The following OR11G2 variants were observed in gnomAD, a reference collection of about 807,000 sequenced individuals.
OR11G2 encodes the protein olfactory receptor 11G2.
In OR11G2, 2 loss-of-function variants were observed where a neutral mutation model predicts 0.9. The ratio of observed to expected loss-of-function variants is 2.35; its 90% CI spans 0.96 to 7.38. The LOEUF (loss-of-function observed/expected upper bound fraction) is 7.38. Ranked by LOEUF, OR11G2 falls within the 30% of genes most tolerant of loss-of-function variation. The pLI is 0.05. For missense variants in OR11G2, 395 were observed against 371.3 expected, an observed-to-expected ratio of 1.06 and a Z score of -0.52; for synonymous variants, 153 against 142.0, an observed-to-expected ratio of 1.08 and a Z score of -0.55.
intron 1 of OR11G2, among the ~76,000 whole-genome samples, chr14:20,195,332 G>A (rs1879730632): frequency 6.6e-6 from 1 of 152,182 alleles, no homozygotes; most frequent in Non-Finnish European, 1.5e-5. Flanking sequence ...TGGAGGTCAG[G>A]AGTTCAAGAC....
chr14:20,191,978 T>C lies in OR11G2; in HGVS notation c.-5+312T>C, dbSNP rs184475584. Among the ~76,000 whole-genome samples the C allele has an allele frequency of 2.2e-4, 33 of 150,986 alleles. No homozygotes were observed. The East Asian group carries it at 5.9e-3, about 27-fold the overall frequency. Reference sequence around the variant, plus strand: ...CACGATCACGGCTCACCACAACCTCTGCCTCCCGGGTTCAGTTGATTCTCC... The same window carrying C: ...CACGATCACGGCTCACCACAACCTCCGCCTCCCGGGTTCAGTTGATTCTCC... On this transcript the variant is annotated intron_variant, in intron 1 of 1. Coordinates refer to ENST00000641879, the MANE Select transcript of OR11G2 (RefSeq NM_001386033.1).
In OR11G2 at chr14:20,198,205, C is replaced by G. The variant is rs376290528; in HGVS notation, c.768C>G (p.Tyr256Ter). 1.9e-6 allele frequency: 3 copies of G among 1,614,096 alleles called. No homozygotes were observed. The highest frequency in any genetic ancestry group is 1.7e-5 in the Admixed American group (1 of 60,016). The part of the protein sequence containing the change: ...GSHLAVVSLF[Y>*]GSVLVMYGSP... ...ACCTGGCTGTGGTTTCACTGTTCTA[C>G]GGCTCAGTACTGGTCATGTATGGGA... Residue 256 changes from tyrosine to a stop codon, truncating the protein, a stop_gained, in exon 2 of 2, where the codon TAC (tyrosine) becomes TAG (stop). Coordinates refer to ENST00000641879, the MANE Select transcript of OR11G2 (RefSeq NM_001386033.1). LOFTEE classifies it high-confidence loss of function.
chr14:20,196,152 C>T (rs1055264919), intron 1 of OR11G2, among the ~76,000 whole-genome samples: 2 of 152,166 alleles, frequency 1.3e-5, no homozygotes, highest in African/African-American at 4.8e-5. Context: ...TTACCTCGTC[C>T]TCCCTGGTAG....
At chr14:20,196,841 A>G (rs78511342) in intron 1 of OR11G2, among the ~76,000 whole-genome samples, 6,869 of 152,298 alleles carry the variant, frequency 0.045, 188 homozygotes, top group Non-Finnish European at 0.049. Flanking sequence ...CCTCTAATTG[A>G]TTTGACTGTG....
rs1879819746 is a variant in OR11G2, at chr14:20,198,261, A to T, written c.824A>T (p.Gln275Leu). 1 of 1,614,150 alleles carries T rather than the reference A, an allele frequency of 6.2e-7. No homozygotes were observed. The highest frequency in any genetic ancestry group is 8.5e-7 in the Non-Finnish European group (1 of 1,179,972). ...SPPSKNEAGK[Q>L]KTVTLFYSVV... Reference sequence around the variant, plus strand: ...CCATCTAAGAATGAAGCTGGAAAGCAGAAGACTGTGACTCTGTTTTATTCT... The same window carrying T: ...CCATCTAAGAATGAAGCTGGAAAGCTGAAGACTGTGACTCTGTTTTATTCT... Residue 275 changes from glutamine (Q) to leucine (L), a missense_variant, in exon 2 of 2, where the codon CAG becomes CTG. Coordinates refer to ENST00000641879, the MANE Select transcript of OR11G2 (RefSeq NM_001386033.1).
chr14:20,197,958 G>T lies in OR11G2; in HGVS notation c.521G>T (p.Gly174Val), dbSNP rs1403290591. 6.2e-7 allele frequency: 1 copy of T among 1,614,072 alleles called. No homozygotes were observed. The highest frequency in any genetic ancestry group is 1.3e-5 in the African/African-American group (1 of 74,990). The change falls in exon 2 of 2, where the codon GGA becomes GTA. Residue 174 changes from glycine to valine, a missense_variant. Coordinates refer to ENST00000641879, the MANE Select transcript of OR11G2 (RefSeq NM_001386033.1). ...AACATCTCCCAAATGTCCTTCTGTG[G>T]ATCTAGGATTATTGACCACTTCCTA... ...IVNISQMSFC[G>V]SRIIDHFLCD...
chr14:20,197,350 C>A, intron 1 of OR11G2, 84 bp from the exon 2 acceptor site: 1 of 1,529,566 alleles, frequency 6.5e-7, no homozygotes, highest in Non-Finnish European at 8.9e-7. Flanking sequence ...ATTTTCTTTC[C>A]CAAAATGATT....
chr14:20,192,382 C>CT (rs1879671520), intron 1 of OR11G2, among the ~76,000 whole-genome samples: 1 of 152,222 alleles, frequency 6.6e-6, no homozygotes, highest in South Asian at 2.1e-4. Context: ...TAAAAGACTA[C>CT]TAGAACCCCT....
In OR11G2 at chr14:20,200,238, T is replaced by C. The variant is rs562025912; in HGVS notation, c.*1865T>C. On this transcript the variant is annotated 3_prime_UTR_variant, in exon 2 of 2. Transcript: ENST00000641879. Reference sequence around the variant, plus strand: ...CTTTGCTTTGAAAAGTAACCCTGAATTTCTCTTTAGGACTTCTCACTTATT... The same window carrying C: ...CTTTGCTTTGAAAAGTAACCCTGAACTTCTCTTTAGGACTTCTCACTTATT... 2 of 151,744 alleles carry C rather than the reference T, an allele frequency of 1.3e-5. No individual in the cohort carries two copies. The highest frequency in any genetic ancestry group is 3.9e-4 in the East Asian group (2 of 5,146). 9.4% of individuals were successfully genotyped at this position (151,744 alleles called of 1,614,324 possible).
chr14:20,193,477 G>A (rs927306033), intron 1 of OR11G2, among the ~76,000 whole-genome samples: 1 of 152,176 alleles, frequency 6.6e-6, no homozygotes, highest in Non-Finnish European at 1.5e-5. Context: ...GATGTTCCTT[G>A]TTCTGTTTTC....
rs1477440653 is a variant in OR11G2 at position 20,200,609 on chromosome 14, C to G, written c.*2236C>G. 1.3e-5 allele frequency: 2 copies of G among 152,194 alleles called. No homozygotes were observed. Among genetic ancestry groups the G allele is most frequent in the Non-Finnish European group, 2.9e-5 (2 of 68,038 alleles). 9.4% of individuals were successfully genotyped at this position (152,194 alleles called of 1,614,324 possible). ...TATAGGGTGACAAGGCAACCTCTAT[C>G]AAAATTTAGAAGACACATATCCTTT... On this transcript the variant is annotated 3_prime_UTR_variant, in exon 2 of 2. Transcript: ENST00000641879.
rs1336258546 is a variant in OR11G2, at chr14:20,193,199, C to T, written c.-5+1533C>T. Among the ~76,000 whole-genome samples the T allele has an allele frequency of 2.0e-5, 3 of 152,270 alleles. No individual in the cohort carries two copies. The East Asian group carries it at 5.8e-4, about 29-fold the overall frequency. On this transcript the variant is annotated intron_variant, in intron 1 of 1. Coordinates refer to ENST00000641879, the MANE Select transcript of OR11G2 (RefSeq NM_001386033.1). ...GTGGTGCAATCTCAGCTCACTGCAA[C>T]CTCTGCCTCCTGGGTTCAGGCAAAT...
rs1244449183 is a variant in OR11G2 at position 20,198,456 on chromosome 14, CG to C, written c.*85del. 1.5e-5 allele frequency: 15 copies of C among 1,017,440 alleles called. No homozygotes were observed. The Admixed American group carries it at 2.8e-4, about 19-fold the overall frequency. The allele number at this position is 1,017,440 out of a possible 1,614,324, so 63.0% of individuals were successfully genotyped here. The stretch of plus-strand genomic sequence containing the variant: ...AAAAAAAACTGGTCTTGGCCAGGCG[CG>C]GTGGCTTACGCCTGTAATCCCAGCA... On this transcript the variant is annotated 3_prime_UTR_variant, in exon 2 of 2. Coordinates refer to ENST00000641879, the MANE Select transcript of OR11G2 (RefSeq NM_001386033.1).
chr14:20,197,993 G>C lies in OR11G2; in HGVS notation c.556G>C (p.Ala186Pro). 1 of 1,602,446 alleles carries C rather than the reference G, an allele frequency of 6.2e-7. No homozygotes were observed. The highest frequency in any genetic ancestry group is 1.1e-5 in the South Asian group (1 of 90,358). ...TATTGACCACTTCCTATGTGACCCAGCTCCTCTTCTAACTCTCACTTGCAA... is the reference window on the plus strand; with the variant it reads ...TATTGACCACTTCCTATGTGACCCACCTCCTCTTCTAACTCTCACTTGCAA... ...RIIDHFLCDP[A>P]PLLTLTCKKG... The change falls in exon 2 of 2, where the codon GCT (alanine) becomes CCT (proline). Residue 186 changes from alanine (A) to proline (P), a missense_variant. Physicochemically the swap from Ala to Pro is conservative, Grantham distance 27. Coordinates refer to ENST00000641879, the MANE Select transcript of OR11G2 (RefSeq NM_001386033.1).
chr14:20,198,113 G>C lies in OR11G2; in HGVS notation c.676G>C (p.Val226Leu), dbSNP rs769593612. 1 of 1,614,088 alleles carries C rather than the reference G, an allele frequency of 6.2e-7. No individual in the cohort carries two copies. The highest frequency in any genetic ancestry group is 8.5e-7 in the Non-Finnish European group (1 of 1,180,018). ...LFIVGSYALVVRAVLRVPSAA... is the reference protein window; with the variant it reads ...LFIVGSYALVLRAVLRVPSAA... The stretch of plus-strand genomic sequence containing the variant: ...CATTGTGGGGTCCTATGCTCTGGTC[G>C]TGAGAGCTGTGTTGAGGGTCCCTTC... The change falls in exon 2 of 2, where the codon GTG becomes CTG. Residue 226 changes from valine (V) to leucine (L), a missense_variant. Physicochemically the swap from Val to Leu is conservative, Grantham distance 32. Coordinates refer to ENST00000641879, the MANE Select transcript of OR11G2 (RefSeq NM_001386033.1).
In OR11G2 at chr14:20,197,865, G is replaced by A. The variant is rs376091395; in HGVS notation, c.428G>A (p.Arg143His). The A allele has an allele frequency of 1.2e-6, 2 of 1,614,032 alleles. No homozygotes were observed. Among genetic ancestry groups the A allele is most frequent in the Non-Finnish European group, 8.5e-7 (1 of 1,180,002 alleles). ...PLRYPTIMTR[R>H]LCTNLVVNCW... ...CGCTATCCAACCATTATGACCAGAC[G>A]TCTCTGTACCAATCTTGTGGTCAAT... The change falls in exon 2 of 2, where the codon CGT (arginine) becomes CAT (histidine). Residue 143 changes from arginine (R) to histidine (H), a missense_variant. By Grantham distance (29) the Arg-to-His change is conservative. Coordinates refer to ENST00000641879, the MANE Select transcript of OR11G2 (RefSeq NM_001386033.1).
Position 20,198,294 on chromosome 14 carries a change from C to T in OR11G2, c.857C>T (p.Thr286Ile), listed in dbSNP as rs1192222036. The T allele has an allele frequency of 6.2e-7, 1 of 1,613,414 alleles. No homozygotes were observed. The highest frequency in any genetic ancestry group is 8.5e-7 in the Non-Finnish European group (1 of 1,179,502). ...GTGACTCTGTTTTATTCTGTTGTTA[C>T]CCCACTGCTTAACCCTGTGATATAT... is the stretch of plus-strand genomic sequence containing the variant. The part of the protein sequence containing the change: ...KTVTLFYSVV[T>I]PLLNPVIYSL... Residue 286 changes from threonine (T) to isoleucine (I), a missense_variant, in exon 2 of 2, where the codon ACC becomes ATC. By Grantham distance (89) the Thr-to-Ile change is moderately conservative. Coordinates refer to ENST00000641879, the MANE Select transcript of OR11G2 (RefSeq NM_001386033.1).
At chr14:20,195,483 T>C (rs551984859) in intron 1 of OR11G2, among the ~76,000 whole-genome samples, 1 of 152,340 alleles carries the variant, frequency 6.6e-6, no homozygotes, top group Admixed American at 6.5e-5. Flanking sequence ...GACATTGCAG[T>C]GAGCTGCAAT....
At chr14:20,193,148 C>T (rs929760342) in intron 1 of OR11G2, among the ~76,000 whole-genome samples, 1 of 152,110 alleles carries the variant, frequency 6.6e-6, no homozygotes, top group African/African-American at 2.4e-5. Context: ...GGCAGAGTCT[C>T]ACTTTGTTGC....
Sources: gnomAD v4.1 joint callset for allele counts (sites outside exome capture counted in the v4.1 genomes callset) on GRCh38, gnomAD v4.1.1 for gene constraint, MANE v1.5 for transcripts, NCBI Gene and HGNC (gene_info 2026-07-23, HGNC 2026-07-21) for gene names.